The following FRAS1 variants were observed in gnomAD, a reference collection of about 807,000 sequenced individuals.
FRAS1 encodes the protein Fraser extracellular matrix complex subunit 1, also known as extracellular matrix organizing protein FRAS1.
A neutral mutation model predicts 435.2 loss-of-function variants in FRAS1; 290 were observed. The ratio of observed to expected loss-of-function variants is 0.67; its 90% CI spans 0.61 to 0.73. The LOEUF (loss-of-function observed/expected upper bound fraction) is 0.73. Among genes scored for constraint, FRAS1 ranks in the 30% least tolerant of loss-of-function variants. FRAS1 has a pLI of 0.00. For missense variants in FRAS1, 4,860 were observed against 5,001.5 expected, an observed-to-expected ratio of 0.97 and a Z score of 0.85; for synonymous variants, 1,800 against 1,851.0, an observed-to-expected ratio of 0.97 and a Z score of 0.71.
intron 2 of FRAS1, among the ~76,000 whole-genome samples, chr4:78,090,178 G>A (rs1741438728): frequency 6.6e-6 from 1 of 152,128 alleles, no homozygotes; most frequent in South Asian, 2.1e-4. Flanking sequence ...AAGTGTAAAA[G>A]AACAACATAG....
At chr4:78,273,107 C>T (rs1297804569) in intron 9 of FRAS1, among the ~76,000 whole-genome samples, 1 of 152,086 alleles carries the variant, frequency 6.6e-6, no homozygotes, top group Non-Finnish European at 1.5e-5. Flanking sequence ...TGATTTGGCT[C>T]TCTGTTTATC....
At chr4:78,198,439 A>C (rs1172744998) in intron 2 of FRAS1, among the ~76,000 whole-genome samples, 1 of 152,146 alleles carries the variant, frequency 6.6e-6, no homozygotes, top group Non-Finnish European at 1.5e-5. Context: ...ATCTTCCCAA[A>C]TGAATTAAGT....
chr4:78,433,720 T>C (rs1433552012), intron 38 of FRAS1, among the ~76,000 whole-genome samples: 1 of 152,232 alleles, frequency 6.6e-6, no homozygotes, highest in African/African-American at 2.4e-5. Flanking sequence ...CTGTAAGTTA[T>C]GGTTTTTTGA....
At chr4:78,062,499 T>C (rs1036414466) in intron 1 of FRAS1, among the ~76,000 whole-genome samples, 4 of 152,198 alleles carry the variant, frequency 2.6e-5, no homozygotes, top group African/African-American at 9.6e-5. Flanking sequence ...TTTTTGTATC[T>C]TAATGGTTGT....
At chr4:78,422,650 G>T (rs1041391234) in intron 34 of FRAS1, among the ~76,000 whole-genome samples, 1 of 152,228 alleles carries the variant, frequency 6.6e-6, no homozygotes, top group Non-Finnish European at 1.5e-5. Flanking sequence ...GGGAGAGACA[G>T]AGGCCATACC....
At chr4:78,227,508 AAC>A (rs1724328205) in intron 2 of FRAS1, among the ~76,000 whole-genome samples, 1 of 152,240 alleles carries the variant, frequency 6.6e-6, no homozygotes, top group Non-Finnish European at 1.5e-5. Flanking sequence ...CAGGTTTAGA[AAC>A]ACACTTAGTA....
Position 78,237,561 on chromosome 4 carries a change from G to T in FRAS1, c.160G>T (p.Asp54Tyr). Residue 54 changes from aspartate (D) to tyrosine (Y), a missense_variant, in exon 3 of 74, where the codon GAT becomes TAT. Physicochemically the swap from Asp to Tyr is radical, Grantham distance 160 (BLOSUM62 -3). Transcript: ENST00000512123. The part of the protein sequence containing the change: ...DSCQSCRCHG[D>Y]IVICKPAVCR... The stretch of plus-strand genomic sequence containing the variant: ...ATGCCAGAGCTGCCGTTGCCATGGT[G>T]ATATTGTTATCTGCAAACCTGCTGT... 1 of 1,613,166 alleles carries T rather than the reference G, an allele frequency of 6.2e-7. No individual in the cohort carries two copies. The highest frequency in any genetic ancestry group is 1.1e-5 in the South Asian group (1 of 90,904).
At chr4:78,201,635 C>G (rs1723052162) in intron 2 of FRAS1, among the ~76,000 whole-genome samples, 1 of 152,206 alleles carries the variant, frequency 6.6e-6, no homozygotes, top group Non-Finnish European at 1.5e-5. Context: ...GACGTTCTGA[C>G]TCAACCAATT....
At chr4:78,498,744 T>G (rs1720585209) in intron 60 of FRAS1, among the ~76,000 whole-genome samples, 1 of 152,094 alleles carries the variant, frequency 6.6e-6, no homozygotes, top group Non-Finnish European at 1.5e-5. Flanking sequence ...TTTTCCATCT[T>G]TTTATCTCAC....
Position 78,448,211 on chromosome 4 carries a change from A to G in FRAS1, c.6169A>G (p.Thr2057Ala). 1 of 1,613,276 alleles carries G rather than the reference A, an allele frequency of 6.2e-7. No homozygotes were observed. Among genetic ancestry groups the G allele is most frequent in the African/African-American group, 1.3e-5 (1 of 74,916 alleles). Residue 2057 changes from threonine to alanine, a missense_variant, in exon 44 of 74, where the codon ACT (threonine) becomes GCT (alanine). By Grantham distance (58) the Thr-to-Ala change is moderately conservative. Coordinates refer to ENST00000512123, the MANE Select transcript of FRAS1 (RefSeq NM_025074.7). ...MVVDEFQFSL[T>A]DGLHVDTGRM... The stretch of plus-strand genomic sequence containing the variant: ...CGTGGATGAGTTCCAGTTCTCCCTC[A>G]CTGATGGCCTCCACGTGGACACAGG...
At chr4:78,058,890 G>A (rs748514846) in intron 1 of FRAS1, among the ~76,000 whole-genome samples, 13 of 152,218 alleles carry the variant, frequency 8.5e-5, no homozygotes, top group Non-Finnish European at 1.8e-4. Context: ...ATGGGATGCC[G>A]GGCCTGGGGA....
chr4:78,156,724 G>C (rs148117163), intron 2 of FRAS1, among the ~76,000 whole-genome samples: 1 of 152,076 alleles, frequency 6.6e-6, no homozygotes, highest in Non-Finnish European at 1.5e-5. Context: ...TAAGTGTTAC[G>C]CAATTAGCAA....
intron 14 of FRAS1, among the ~76,000 whole-genome samples, chr4:78,295,369 G>T (rs1184211144): frequency 6.6e-6 from 1 of 152,188 alleles, no homozygotes; most frequent in East Asian, 1.9e-4. Context: ...TACCAGAAAT[G>T]TATAAGGGTG....
chr4:78,137,807 A>G (rs1719987909), intron 2 of FRAS1, among the ~76,000 whole-genome samples: 1 of 152,258 alleles, frequency 6.6e-6, no homozygotes, highest in Non-Finnish European at 1.5e-5. Flanking sequence ...CACCTTGGAC[A>G]CATTACTAAG....
Position 78,252,493 on chromosome 4 carries a change from C to T in FRAS1, c.411C>T (p.His137=), listed in dbSNP as rs1377525010. The T allele has an allele frequency of 2.5e-6, 4 of 1,613,800 alleles. No individual in the cohort carries two copies. Among genetic ancestry groups the T allele is most frequent in the Non-Finnish European group, 3.4e-6 (4 of 1,179,830 alleles). ...CATGCCCACCGCTGTCATGTGGACA[C>T]CAGGAGCTGGCATTCATCCCTGAAG... The part of the protein sequence containing the change: ...PQPCPPLSCG[H]QELAFIPEGS... Residue 137 remains histidine, a synonymous_variant, in exon 5 of 74, where the codon CAC becomes CAT. Coordinates refer to ENST00000512123, the MANE Select transcript of FRAS1 (RefSeq NM_025074.7).
chr4:78,229,147 C>T (rs575464147), intron 2 of FRAS1, among the ~76,000 whole-genome samples: 1 of 152,038 alleles, frequency 6.6e-6, no homozygotes, highest in Non-Finnish European at 1.5e-5. Flanking sequence ...GCATTAATAC[C>T]ATCAGTTACA....
Position 78,375,842 on chromosome 4 carries a change from T to C in FRAS1, c.3255T>C (p.Pro1085=). The change falls in exon 26 of 74, where the codon CCT becomes CCC. Residue 1085 remains proline (P), a synonymous_variant. Coordinates refer to ENST00000512123, the MANE Select transcript of FRAS1 (RefSeq NM_025074.7). ...KSGLCVYNCV[P]GFSVHTSNET... ...GCCTCTGTGTTTACAACTGTGTTCC[T>C]GGCTTTTCTGTCCACACCTCTAATG... 6.2e-7 allele frequency: 1 copy of C among 1,613,908 alleles called. No homozygotes were observed.
At position 78,541,860 on chromosome 4, in the gene FRAS1, C is replaced by T. The variant is rs1172241519; in HGVS notation, c.*736C>T. On this transcript the variant is annotated 3_prime_UTR_variant, in exon 74 of 74. Coordinates refer to ENST00000512123, the MANE Select transcript of FRAS1 (RefSeq NM_025074.7). ...ATCAGAGCACATTAGTGATGCCCTT[C>T]ACCCCAGGGAGGTGTCTGTTCCCAA... 1 of 152,222 alleles carries T rather than the reference C, an allele frequency of 6.6e-6. No individual in the cohort carries two copies. Among genetic ancestry groups the T allele is most frequent in the Admixed American group, 6.5e-5 (1 of 15,288 alleles). The allele number at this position is 152,222 out of a possible 1,614,324, so 9.4% of individuals were successfully genotyped here.
intron 4 of FRAS1, among the ~76,000 whole-genome samples, chr4:78,250,462 A>G (rs1002396850): frequency 2.0e-5 from 3 of 152,180 alleles, no homozygotes; most frequent in Non-Finnish European, 4.4e-5. Context: ...CAATTTCACT[A>G]TAAAGAACAA....
Sources: allele counts gnomAD v4.1 joint callset (sites outside exome capture counted in the v4.1 genomes callset), GRCh38; gene constraint gnomAD v4.1.1; transcripts MANE v1.5; gene names NCBI Gene and HGNC (gene_info 2026-07-23, HGNC 2026-07-21).